PRPSAP2: variants seen among roughly 807,000 people sequenced by gnomAD.
The protein encoded by PRPSAP2 is phosphoribosyl pyrophosphate synthetase associated protein 2.
Under a neutral mutation model 40.6 loss-of-function variants are expected in PRPSAP2, and 24 were observed. The ratio of observed to expected loss-of-function variants is 0.59; its 90% CI spans 0.43 to 0.83. PRPSAP2 has a LOEUF of 0.83. PRPSAP2 is among the 40% of genes least tolerant of loss of function. The pLI, the probability that PRPSAP2 is intolerant of heterozygous loss-of-function variation, is 0.00. For synonymous variants in PRPSAP2, 149 were observed against 164.7 expected, an observed-to-expected ratio of 0.90 and a Z score of 0.73; for missense variants, 292 against 465.6, an observed-to-expected ratio of 0.63 and a Z score of 3.43.
At chr17:18,901,696 T>G (rs1424256067) in intron 8 of PRPSAP2, among the ~76,000 whole-genome samples, 4 of 152,060 alleles carry the variant, frequency 2.6e-5, no homozygotes, top group Non-Finnish European at 5.9e-5. Context: ...CATTTTTGTT[T>G]GTATGTAACA....
intron 4 of PRPSAP2, 131 bp downstream of exon 4, chr17:18,867,465 C>A: frequency 3.8e-6 from 4 of 1,057,594 alleles, no homozygotes; most frequent in Admixed American, 2.3e-5. Flanking sequence ...GTCAGGCAGG[C>A]AAGGTAGAAC....
At chr17:18,872,235 T>A (rs2037941084) in intron 4 of PRPSAP2, among the ~76,000 whole-genome samples, 1 of 147,480 alleles carries the variant, frequency 6.8e-6, no homozygotes. Flanking sequence ...ATCGCACCAC[T>A]GCATTCCAGC....
At chr17:18,891,056 A>C (rs1432947401) in intron 8 of PRPSAP2, among the ~76,000 whole-genome samples, 5 of 152,240 alleles carry the variant, frequency 3.3e-5, no homozygotes, top group Non-Finnish European at 7.3e-5. Flanking sequence ...AATCACTTGT[A>C]GGAATAAAGC....
intron 1 of PRPSAP2, among the ~76,000 whole-genome samples, chr17:18,863,731 G>A (rs571727125): frequency 6.6e-6 from 1 of 150,384 alleles, no homozygotes; most frequent in South Asian, 2.1e-4. Flanking sequence ...ACAGCGTTTC[G>A]CCATGTTGTC....
At chr17:18,913,135 A>C (rs1449609358) in intron 9 of PRPSAP2, among the ~76,000 whole-genome samples, 1 of 151,270 alleles carries the variant, frequency 6.6e-6, no homozygotes, top group Admixed American at 6.6e-5. Context: ...TTGCCCCACA[A>C]CTCCACTGGG....
intron 7 of PRPSAP2, among the ~76,000 whole-genome samples, chr17:18,885,665 G>A (rs1002175473): frequency 4.6e-5 from 7 of 152,060 alleles, no homozygotes; most frequent in Non-Finnish European, 1.0e-4. Context: ...TCGGCTCACA[G>A]CAACCTCCCC....
At chr17:18,886,358 A>T (rs9748173) in intron 7 of PRPSAP2, among the ~76,000 whole-genome samples, 79,819 of 150,006 alleles carry the variant, frequency 0.53, 21,366 homozygotes, top group Middle Eastern at 0.6. Context: ...TGCCATCTAT[A>T]CTTTTTTTTT....
At chr17:18,884,395 G>A (rs879805830) in intron 7 of PRPSAP2, among the ~76,000 whole-genome samples, 1 of 151,966 alleles carries the variant, frequency 6.6e-6, no homozygotes, top group Non-Finnish European at 1.5e-5. Flanking sequence ...TTGGAGTGCT[G>A]TAGTGCCATG....
chr17:18,893,590 A>G (rs1340279195), intron 8 of PRPSAP2, among the ~76,000 whole-genome samples: 1 of 103,866 alleles, frequency 9.6e-6, no homozygotes, highest in Non-Finnish European at 2.2e-5. Context: ...CCTCGTTTTT[A>G]AGAAAAAAAA....
chr17:18,863,637 A>G (rs954804765), intron 1 of PRPSAP2, among the ~76,000 whole-genome samples: 2 of 151,414 alleles, frequency 1.3e-5, no homozygotes, highest in African/African-American at 4.9e-5. Flanking sequence ...GGTTCATGCC[A>G]TTCTTCTGCC....
intron 9 of PRPSAP2, among the ~76,000 whole-genome samples, chr17:18,923,545 G>T (rs1270468695): frequency 1.3e-5 from 2 of 152,014 alleles, no homozygotes; most frequent in African/African-American, 4.8e-5. Context: ...TGGATTCTTG[G>T]GTATTTTCAA....
rs370355291 is a variant in PRPSAP2, at chr17:18,860,749, C to T, written c.-129+2488C>T. On this transcript the variant is annotated intron_variant, in intron 1 of 11. Coordinates refer to ENST00000268835, the MANE Select transcript of PRPSAP2 (RefSeq NM_002767.4). ...CAACACACTTCAATGTGAGTCTTCC[C>T]CATCTGAAATGTGGGTGAGTGGTTT... The T allele has an allele frequency of 3.9e-5, 6 of 152,104 alleles. No individual in the cohort carries two copies. The East Asian group carries it at 1.2e-3, about 29-fold the overall frequency. The allele number at this position is 152,104 out of a possible 1,614,324, so 9.4% of individuals were successfully genotyped here.
At chr17:18,875,656 C>T (rs2038239742) in intron 5 of PRPSAP2, among the ~76,000 whole-genome samples, 1 of 151,750 alleles carries the variant, frequency 6.6e-6, no homozygotes, top group Non-Finnish European at 1.5e-5. Context: ...GAGTTCAAGA[C>T]CAGCCTGGCC....
chr17:18,863,041 T>G (rs2151876624), intron 1 of PRPSAP2, among the ~76,000 whole-genome samples: 1 of 152,094 alleles, frequency 6.6e-6, no homozygotes, highest in East Asian at 1.9e-4. Context: ...AGGATGGTCT[T>G]GATCTCCTGA....
intron 10 of PRPSAP2, chr17:18,928,329 A>G (rs1352634310): frequency 2.8e-5 from 5 of 178,376 alleles, no homozygotes; most frequent in Admixed American, 2.7e-4. Context: ...AAAAAAACAT[A>G]TTTCCCATAT....
At chr17:18,910,276 G>C (rs1490994713) in intron 8 of PRPSAP2, among the ~76,000 whole-genome samples, 2 of 152,086 alleles carry the variant, frequency 1.3e-5, no homozygotes, top group African/African-American at 4.8e-5. Context: ...AAAAAAGTTA[G>C]CCAGATGTGG....
At chr17:18,882,744 A>G (rs185141102) in intron 7 of PRPSAP2, 61 bp downstream of exon 7, 1,605 of 1,132,624 alleles carry the variant, frequency 1.4e-3, no homozygotes, top group Admixed American at 3.2e-3. Flanking sequence ...ATGTATTTCC[A>G]TTTCCTTAGG....
intron 10 of PRPSAP2, chr17:18,928,606 G>A (rs1479040525): frequency 5.1e-6 from 3 of 591,098 alleles, no homozygotes; most frequent in Non-Finnish European, 9.3e-6. Context: ...GGCAGGTGCT[G>A]TGCAGGAAGA....
chr17:18,857,571 G>T (rs907698517), upstream of PRPSAP2, among the ~76,000 whole-genome samples: 1 of 132,812 alleles, frequency 7.5e-6, no homozygotes, highest in African/African-American at 2.9e-5. Flanking sequence ...GCACCACCAC[G>T]CCTGGCTAAT....
Sources: allele counts gnomAD v4.1 joint callset (sites outside exome capture counted in the v4.1 genomes callset), GRCh38; gene constraint gnomAD v4.1.1; transcripts MANE v1.5; gene names NCBI Gene and HGNC (gene_info 2026-07-23, HGNC 2026-07-21).